Variants in MDGA2 observed in about 807,000 individuals in gnomAD.
MDGA2 encodes the protein MAM domain containing glycosylphosphatidylinositol anchor 2.
A neutral mutation model predicts 117.8 loss-of-function variants in MDGA2; 40 were observed. The ratio of observed to expected loss-of-function variants is 0.34; its 90% CI spans 0.26 to 0.44. The LOEUF is 0.44. MDGA2 is among the 20% of genes least tolerant of loss of function. The probability of loss-of-function intolerance (pLI) is 1.00; values close to 1 mark genes in which losing one functional copy is unlikely to be tolerated. For synonymous variants in MDGA2, 452 were observed against 439.0 expected, an observed-to-expected ratio of 1.03 and a Z score of -0.37; for missense variants, 1,123 against 1,250.6, an observed-to-expected ratio of 0.90 and a Z score of 1.54.
chr14:47,367,793 T>C (rs1013347278), intron 1 of MDGA2, among the ~76,000 whole-genome samples: 7 of 152,240 alleles, frequency 4.6e-5, no homozygotes, highest in Admixed American at 6.5e-5. Context: ...AATATCTCTT[T>C]TGCCTTTCTC....
chr14:47,105,669 C>A (rs535700988), intron 5 of MDGA2, among the ~76,000 whole-genome samples: 1 of 151,246 alleles, frequency 6.6e-6, no homozygotes, highest in Non-Finnish European at 1.5e-5. Flanking sequence ...GTCTGAGGTG[C>A]CTGACGTCCA....
At chr14:47,328,153 A>G (rs1478654146) in intron 1 of MDGA2, among the ~76,000 whole-genome samples, 1 of 152,148 alleles carries the variant, frequency 6.6e-6, no homozygotes, top group East Asian at 1.9e-4. Context: ...TGATTTTTTA[A>G]CCATCACTTG....
At chr14:46,906,537 G>C (rs1214383595) in intron 10 of MDGA2, among the ~76,000 whole-genome samples, 2 of 151,976 alleles carry the variant, frequency 1.3e-5, no homozygotes, top group Non-Finnish European at 2.9e-5. Context: ...AATTAAAAAA[G>C]ATGATTATGC....
In MDGA2 at chr14:46,844,847, G is replaced by C. The variant is rs146818816; in HGVS notation, c.2989+919C>G. Among the ~76,000 whole-genome samples the C allele has an allele frequency of 3.6e-3, 542 of 152,092 alleles. 4 individuals carry two copies. The highest frequency in any genetic ancestry group is 0.012 in the African/African-American group (518 of 41,502). On this transcript the variant is annotated intron_variant, in intron 16 of 16. Coordinates refer to ENST00000399232, the MANE Select transcript of MDGA2 (RefSeq NM_001113498.3). ...TCCCCTATGCTCTTCTCATGAAAGT[G>C]AGTTTTCACTAGATCTGATGATTTT...
At chr14:47,082,298 C>A in intron 6 of MDGA2, among the ~76,000 whole-genome samples, 1 of 145,746 alleles carries the variant, frequency 6.9e-6, no homozygotes, top group African/African-American at 2.5e-5. Context: ...TCAGTTCAGG[C>A]AACCTGAACT....
chr14:47,476,686 C>G (rs1380664844), intron 1 of MDGA2, among the ~76,000 whole-genome samples: 1 of 151,986 alleles, frequency 6.6e-6, no homozygotes, highest in Non-Finnish European at 1.5e-5. Flanking sequence ...TTCCCTAATT[C>G]ATGTTTTATA....
chr14:47,429,887 A>C (rs1892764145), intron 1 of MDGA2, among the ~76,000 whole-genome samples: 2 of 151,004 alleles, frequency 1.3e-5, no homozygotes, highest in African/African-American at 4.9e-5. Context: ...AGAGGGAAAC[A>C]AGGAGTGGGG....
At position 46,957,480 on chromosome 14, in the gene MDGA2, T is replaced by C; in HGVS notation, c.1983A>G (p.Glu661=). ...GACTCTTCACAGCGTACTCTGTGTA[T>C]TCCTGAGAGTCAAATTGACCCGTCC... ...LLRTGQFDSQ[E]YTEYAVKSLS... Residue 661 remains glutamate (E), a synonymous_variant, in exon 9 of 17, where the codon GAA becomes GAG. Transcript: ENST00000399232. 2.5e-6 allele frequency: 4 copies of C among 1,614,158 alleles called. No homozygotes were observed. Among genetic ancestry groups the C allele is most frequent in the South Asian group, 1.1e-5 (1 of 91,080 alleles).
At chr14:46,844,389 G>A (rs984830264) in intron 16 of MDGA2, among the ~76,000 whole-genome samples, 1 of 152,076 alleles carries the variant, frequency 6.6e-6, no homozygotes, top group Non-Finnish European at 1.5e-5. Flanking sequence ...AGACCAGCCT[G>A]GCCAACATGG....
Position 46,855,084 on chromosome 14 carries a change from C to G in MDGA2, c.2823G>C (p.Gly941=), listed in dbSNP as rs995072616. The change falls in exon 15 of 17, where the codon GGG becomes GGC. Residue 941 remains glycine (G), a synonymous_variant. Coordinates refer to ENST00000399232, the MANE Select transcript of MDGA2 (RefSeq NM_001113498.3). The surrounding 1 kb of genome is among the most constrained non-coding windows in gnomAD (Gnocchi z 4.1). ...TIENPLWSSS[G]NKGQRWNEAH... is the part of the protein sequence containing the mutation. ...CCTCATTCCATCTTTGTCCTTTATT[C>G]CCACTTGAAGACCACAGTGGATTCT... The G allele has an allele frequency of 5.0e-6, 8 of 1,611,222 alleles. No homozygotes were observed. Among genetic ancestry groups the G allele is most frequent in the Non-Finnish European group, 6.8e-6 (8 of 1,178,226 alleles).
At chr14:47,107,954 G>A (rs1880813822) in intron 5 of MDGA2, among the ~76,000 whole-genome samples, 4 of 150,258 alleles carry the variant, frequency 2.7e-5, no homozygotes, top group Admixed American at 6.7e-5. Context: ...CCTCAGTTTA[G>A]CCTTCCCACC....
intron 1 of MDGA2, among the ~76,000 whole-genome samples, chr14:47,566,664 C>A (rs1329629982): frequency 6.6e-6 from 1 of 152,084 alleles, no homozygotes; most frequent in Non-Finnish European, 1.5e-5. Flanking sequence ...GCAGGTTGCA[C>A]CATGCCTGCT....
intron 1 of MDGA2, among the ~76,000 whole-genome samples, chr14:47,665,814 T>TG (rs1243820755): frequency 1.2e-4 from 1 of 8,348 alleles, no homozygotes; most frequent in African/African-American, 4.5e-4. Flanking sequence ...TCGCCCCCCC[T>TG]CCCCCCCGCC....
At chr14:47,599,270 T>A (rs1896602367) in intron 1 of MDGA2, among the ~76,000 whole-genome samples, 1 of 151,840 alleles carries the variant, frequency 6.6e-6, no homozygotes, top group East Asian at 1.9e-4. Flanking sequence ...GAAAATCTGC[T>A]ATCAGGAAAG....
intron 8 of MDGA2, among the ~76,000 whole-genome samples, chr14:47,013,772 G>GTATATATATATA (rs71448157): frequency 0.039 from 3,611 of 93,508 alleles, 371 homozygotes; most frequent in East Asian, 0.09. Flanking sequence ...TAATTTCCTT[G>GTATATATATATA]TATATATATA....
In MDGA2 at chr14:47,275,211, G is replaced by A. The variant is rs559539412; in HGVS notation, c.420+26200C>T. ...AACCTTATTCCAGACAGACGTTAGC[G>A]AACAAGCAATGTCATGTAAACATGA... is the stretch of plus-strand genomic sequence containing the variant. On this transcript the variant is annotated intron_variant, in intron 2 of 16. Coordinates refer to ENST00000399232, the MANE Select transcript of MDGA2 (RefSeq NM_001113498.3). Among the ~76,000 whole-genome samples, 11 of 152,232 alleles carry A rather than the reference G, an allele frequency of 7.2e-5. No homozygotes were observed. In the East Asian group the frequency reaches 1.5e-3, roughly 21 times the overall value.
chr14:47,674,541 C>T lies in MDGA2; in HGVS notation c.256G>A (p.Gly86Arg), dbSNP rs1898138859. 1 of 1,551,332 alleles carries T rather than the reference C, an allele frequency of 6.4e-7. No homozygotes were observed. Among genetic ancestry groups the T allele is most frequent in the East Asian group, 2.4e-5 (1 of 40,854 alleles). Reference sequence around the variant, plus strand: ...CCGTACACTCCTTGGCCAGAGATCCCCTCCAGGAGGACTGTCAGCAGCCAC... The same window carrying T: ...CCGTACACTCCTTGGCCAGAGATCCTCTCCAGGAGGACTGTCAGCAGCCAC... Reference protein sequence around the residue: ...LVWLLTVLLEGISGQGVYAPP... With the variant: ...LVWLLTVLLERISGQGVYAPP... Residue 86 changes from glycine (G) to arginine (R), a missense_variant, in exon 1 of 17, where the codon GGG becomes AGG. Gly to Arg is a moderately radical substitution (Grantham distance 125, BLOSUM62 -2). Coordinates refer to ENST00000399232, the MANE Select transcript of MDGA2 (RefSeq NM_001113498.3).
intron 1 of MDGA2, among the ~76,000 whole-genome samples, chr14:47,537,223 G>T (rs908889935): frequency 6.9e-6 from 1 of 145,676 alleles, no homozygotes; most frequent in African/African-American, 2.6e-5. Context: ...ACCAAACACC[G>T]CATGTTCTCA....
intron 8 of MDGA2, among the ~76,000 whole-genome samples, chr14:47,026,012 G>C (rs886236574): frequency 1.3e-5 from 2 of 152,136 alleles, no homozygotes; most frequent in African/African-American, 4.8e-5. Context: ...ACCCTTGGTA[G>C]ATTATTCAAT....
Sources: gnomAD v4.1 joint callset for allele counts (sites outside exome capture counted in the v4.1 genomes callset) on GRCh38, gnomAD v4.1.1 for gene constraint, Gnocchi (gnomAD v3.1) non-coding constraint, MANE v1.5 for transcripts, NCBI Gene and HGNC (gene_info 2026-07-23, HGNC 2026-07-21) for gene names.